The following HMGB1 variants were observed in gnomAD, a reference collection of about 807,000 sequenced individuals.
HMGB1 encodes high mobility group protein B1.
For synonymous variants in HMGB1, 81 were observed against 84.0 expected (o/e 0.96, Z 0.19); for missense variants, 79 against 253.5 (o/e 0.31, Z 4.67).
At chr13:30,593,833 A>G (rs774055853) in intron 1 of HMGB1, among the ~76,000 whole-genome samples, 9 of 152,236 alleles carry the variant, frequency 5.9e-5, no homozygotes, top group South Asian at 2.1e-4. Flanking sequence ...TTATTCTTCC[A>G]AAAATATCAA....
intron 1 of HMGB1, among the ~76,000 whole-genome samples, chr13:30,532,260 G>C (rs916345055): frequency 1.3e-5 from 2 of 150,176 alleles, no homozygotes; most frequent in Non-Finnish European, 3.0e-5. Flanking sequence ...GCTTGAACCC[G>C]GGAGGCGGAG....
chr13:30,480,632 GAGA>G (rs916120827), intron 1 of HMGB1, among the ~76,000 whole-genome samples: 6 of 152,136 alleles, frequency 3.9e-5, no homozygotes, highest in African/African-American at 1.4e-4. Context: ...GTAGAACTCA[GAGA>G]AGGAGAGCCA....
At chr13:30,545,997 C>T (rs1869140524) in intron 1 of HMGB1, among the ~76,000 whole-genome samples, 1 of 152,214 alleles carries the variant, frequency 6.6e-6, no homozygotes, top group Admixed American at 6.5e-5. Flanking sequence ...CCACCACGTG[C>T]AGCCACACTG....
At chr13:30,495,370 A>G (rs1414293709) in intron 1 of HMGB1, among the ~76,000 whole-genome samples, 3 of 152,154 alleles carry the variant, frequency 2.0e-5, no homozygotes, top group Admixed American at 6.5e-5. Context: ...TAATTCGTAG[A>G]AATTTCTTTC....
chr13:30,475,863 G>A (rs963464863), intron 1 of HMGB1, among the ~76,000 whole-genome samples: 2 of 152,156 alleles, frequency 1.3e-5, no homozygotes, highest in South Asian at 4.1e-4. Context: ...CCTCAAAGAG[G>A]TCAGGGTTCT....
chr13:30,593,049 G>C (rs1300222531), intron 1 of HMGB1, among the ~76,000 whole-genome samples: 1 of 152,158 alleles, frequency 6.6e-6, no homozygotes, highest in African/African-American at 2.4e-5. Flanking sequence ...ACTTACAAGT[G>C]AGAAACTATT....
At chr13:30,555,758 C>T (rs564328879) in intron 1 of HMGB1, among the ~76,000 whole-genome samples, 19 of 152,268 alleles carry the variant, frequency 1.2e-4, no homozygotes, top group Admixed American at 1.0e-3. Context: ...ATATCAATAT[C>T]TCATTGGAAT....
chr13:30,462,458 C>T, intron 4 of HMGB1, 80 bp downstream of exon 4: 1 of 1,159,384 alleles, frequency 8.6e-7, no homozygotes, highest in South Asian at 1.2e-5. Context: ...ACCCTAAAAA[C>T]TTATTACACC....
At chr13:30,533,813 TA>T (rs1396223356) in intron 1 of HMGB1, among the ~76,000 whole-genome samples, 6 of 150,120 alleles carry the variant, frequency 4.0e-5, no homozygotes, top group African/African-American at 9.7e-5. Flanking sequence ...TTACATAATT[TA>T]AAAAAAAATC....
At chr13:30,612,704 A>T (rs1185882264) in intron 1 of HMGB1, among the ~76,000 whole-genome samples, 2 of 152,236 alleles carry the variant, frequency 1.3e-5, no homozygotes, top group African/African-American at 4.8e-5. Flanking sequence ...ATTCACCCTG[A>T]AGTGACAACT....
upstream of HMGB1, chr13:30,465,943 C>T: frequency 1.0e-6 from 1 of 986,184 alleles, no homozygotes; most frequent in Non-Finnish European, 1.2e-6. Context: ...CATTACTCTC[C>T]AGCCAGCGCG....
chr13:30,616,152 C>T (rs758642534), intron 1 of HMGB1, among the ~76,000 whole-genome samples: 8 of 152,178 alleles, frequency 5.3e-5, no homozygotes, highest in Non-Finnish European at 1.0e-4. Context: ...CAAAGTTCTT[C>T]CCTTTATAAG....
intron 1 of HMGB1, among the ~76,000 whole-genome samples, chr13:30,492,342 A>C (rs770299262): frequency 6.6e-6 from 1 of 152,058 alleles, no homozygotes; most frequent in Non-Finnish European, 1.5e-5. Context: ...TTATTCATAC[A>C]TTAAAAAAAA....
chr13:30,534,693 T>A (rs919606622), intron 1 of HMGB1, among the ~76,000 whole-genome samples: 2 of 145,762 alleles, frequency 1.4e-5, no homozygotes, highest in Admixed American at 7.1e-5. Flanking sequence ...TTCTCCTGCC[T>A]CAGCCTCCCG....
chr13:30,613,556 G>A (rs1025092635), intron 1 of HMGB1, among the ~76,000 whole-genome samples: 10 of 152,112 alleles, frequency 6.6e-5, no homozygotes, highest in Admixed American at 1.3e-4. Context: ...CATGATTTTA[G>A]TGTTTAAAGA....
chr13:30,595,236 C>G (rs1233590436), intron 1 of HMGB1, among the ~76,000 whole-genome samples: 2 of 151,940 alleles, frequency 1.3e-5, no homozygotes, highest in African/African-American at 4.8e-5. Context: ...AATCTAAATT[C>G]TTTTTAAATG....
intron 1 of HMGB1, chr13:30,542,326 ACT>A (rs933813483): frequency 1.2e-5 from 2 of 163,622 alleles, no homozygotes; most frequent in African/African-American, 4.9e-5. Context: ...CTGTCTGTGG[ACT>A]CTCCATACTC....
intron 1 of HMGB1, among the ~76,000 whole-genome samples, chr13:30,471,830 G>C (rs1435018029): frequency 2.0e-5 from 3 of 149,718 alleles, no homozygotes; most frequent in Admixed American, 2.0e-4. Context: ...CACCACGCCT[G>C]GCTAATTTTT....
intron 1 of HMGB1, among the ~76,000 whole-genome samples, chr13:30,605,735 T>A (rs996549075): frequency 2.0e-5 from 3 of 152,132 alleles, no homozygotes; most frequent in Admixed American, 1.3e-4. Context: ...GAAACATGGT[T>A]CCAGAGAGGG....
Sources: gnomAD v4.1 joint callset for allele counts (sites outside exome capture counted in the v4.1 genomes callset) on GRCh38, gnomAD v4.1.1 for gene constraint, MANE v1.5 for transcripts, NCBI Gene and HGNC (gene_info 2026-07-23, HGNC 2026-07-21) for gene names.